The following ZBED4 variants were observed in gnomAD, a reference collection of about 807,000 sequenced individuals.
ZBED4 encodes zinc finger BED domain-containing protein 4.
Under a neutral mutation model 15.5 loss-of-function variants are expected in ZBED4, and 4 were observed. The observed-to-expected ratio is 0.26, with a 90% CI of 0.13 to 0.59. The LOEUF is 0.59. Among genes scored for constraint, ZBED4 ranks in the 20% least tolerant of loss-of-function variants. ZBED4 has a pLI of 0.90. For synonymous variants in ZBED4, 692 were observed against 608.5 expected, an observed-to-expected ratio of 1.14 and a Z score of -2.02; for missense variants, 1,323 against 1,461.8, an observed-to-expected ratio of 0.91 and a Z score of 1.55.
Position 49,885,739 on chromosome 22 carries a change from T to C in ZBED4, c.2077T>C (p.Ser693Pro). The change falls in exon 2 of 2, where the codon TCC (serine) becomes CCC (proline). Residue 693 changes from serine (S) to proline (P), a missense_variant. By Grantham distance (74) the Ser-to-Pro change is moderately conservative. Around this residue, in one of 6 missense-constraint regions of ZBED4, gnomAD observed 89 missense variants for 129.8 expected, o/e 0.69. Transcript: ENST00000216268. ...GCTTGAATACTTGAAACCTCAGTAC[T>C]CCCTCCCCGCCCCTTCCTACTTCTC... is the stretch of plus-strand genomic sequence containing the variant. Reference protein sequence around the residue: ...RLLEYLKPQYSLPAPSYFSRT... With the variant: ...RLLEYLKPQYPLPAPSYFSRT... 6.2e-7 allele frequency: 1 copy of C among 1,603,778 alleles called. No homozygotes were observed. The highest frequency in any genetic ancestry group is 8.5e-7 in the Non-Finnish European group (1 of 1,172,656).
At chr22:49,856,300 C>G (rs1285756515) in intron 1 of ZBED4, among the ~76,000 whole-genome samples, 1 of 152,220 alleles carries the variant, frequency 6.6e-6, no homozygotes, top group Non-Finnish European at 1.5e-5. Context: ...CCGTAGGGAA[C>G]ATGGTGGTGG....
At chr22:49,874,671 C>CATTTTTTTTT in intron 1 of ZBED4, among the ~76,000 whole-genome samples, 1 of 17,840 alleles carries the variant, frequency 5.6e-5, no homozygotes, top group Non-Finnish European at 1.5e-4. Context: ...CCATGCCCAG[C>CATTTTTTTTT]CTTTTTTTTT....
intron 1 of ZBED4, among the ~76,000 whole-genome samples, chr22:49,874,354 A>G (rs944455054): frequency 2.7e-5 from 4 of 150,822 alleles, no homozygotes; most frequent in Non-Finnish European, 5.9e-5. Flanking sequence ...ACGTGCCCAT[A>G]TGGTTTTCCT....
In ZBED4 at chr22:49,884,147, G is replaced by A; in HGVS notation, c.485G>A (p.Arg162Lys). Residue 162 changes from arginine to lysine, a missense_variant, in exon 2 of 2, where the codon AGG becomes AAG. Coordinates refer to ENST00000216268, the MANE Select transcript of ZBED4 (RefSeq NM_014838.3). ...LSTSCLMRHV[R>K]RAHPTVLIQE... ...ACCAGTTGTCTCATGAGGCACGTGA[G>A]GCGCGCACACCCGACCGTGCTCATT... The A allele has an allele frequency of 1.2e-6, 2 of 1,613,786 alleles. No homozygotes were observed. Among genetic ancestry groups the A allele is most frequent in the Non-Finnish European group, 1.7e-6 (2 of 1,179,930 alleles).
In ZBED4 at chr22:49,872,884, A is replaced by G. The variant is rs562766217; in HGVS notation, c.-329-10450A>G. Among the ~76,000 whole-genome samples, 116 of 152,138 alleles carry G rather than the reference A, an allele frequency of 7.6e-4. 1 individual carries two copies. The highest frequency in any genetic ancestry group is 2.7e-3 in the African/African-American group (112 of 41,482). On this transcript the variant is annotated intron_variant, in intron 1 of 1. Transcript: ENST00000216268. ...GCTAATTTTTTTGTATTTTTAGTAG[A>G]GACAGGTTTCACCATGTTAGCCAGG...
chr22:49,873,537 G>C (rs1057274880), intron 1 of ZBED4, among the ~76,000 whole-genome samples: 3 of 152,276 alleles, frequency 2.0e-5, no homozygotes, highest in Middle Eastern at 3.4e-3. Context: ...GTGAAATATT[G>C]CCAGAATTAC....
chr22:49,885,712 C>T lies in ZBED4; in HGVS notation c.2050C>T (p.Leu684=). ...TGTAGACAACGTTGGCTTTAACAGG[C>T]TGCTTGAATACTTGAAACCTCAGTA... The part of the protein sequence containing the change: ...SFVDNVGFNR[L]LEYLKPQYSL... Residue 684 remains leucine (L), a synonymous_variant, in exon 2 of 2, where the codon CTG becomes TTG. Transcript: ENST00000216268. 1.2e-6 allele frequency: 2 copies of T among 1,607,810 alleles called. No individual in the cohort carries two copies. The highest frequency in any genetic ancestry group is 8.5e-7 in the Non-Finnish European group (1 of 1,175,084).
chr22:49,856,511 C>G (rs1177777968), intron 1 of ZBED4, among the ~76,000 whole-genome samples: 1 of 152,242 alleles, frequency 6.6e-6, no homozygotes, highest in Non-Finnish European at 1.5e-5. Flanking sequence ...GAGGCAGCCT[C>G]ACGGCATCCC....
intron 1 of ZBED4, among the ~76,000 whole-genome samples, chr22:49,867,529 A>G (rs2060327850): frequency 6.6e-6 from 1 of 152,208 alleles, no homozygotes; most frequent in Non-Finnish European, 1.5e-5. Flanking sequence ...CCCCAGAAAG[A>G]AGTGTCAGCT....
intron 1 of ZBED4, among the ~76,000 whole-genome samples, chr22:49,866,383 C>A (rs1405642413): frequency 6.6e-6 from 1 of 152,046 alleles, no homozygotes; most frequent in African/African-American, 2.4e-5. Flanking sequence ...TTAATCCCCT[C>A]ATTTCTTTTT....
intron 1 of ZBED4, among the ~76,000 whole-genome samples, chr22:49,856,766 CGCGCTG>C (rs2060276573): frequency 9.5e-6 from 1 of 105,402 alleles, no homozygotes; most frequent in Non-Finnish European, 2.0e-5. Context: ...AGGTGAAGGC[CGCGCTG>C]GAATCCCGGC....
At chr22:49,882,930 T>C (rs2060416893) in intron 1 of ZBED4, among the ~76,000 whole-genome samples, 1 of 152,252 alleles carries the variant, frequency 6.6e-6, no homozygotes, top group Non-Finnish European at 1.5e-5. Flanking sequence ...TCGTATTTCA[T>C]GTATCAGGTC....
At chr22:49,864,144 C>G (rs925960809) in intron 1 of ZBED4, among the ~76,000 whole-genome samples, 1 of 152,200 alleles carries the variant, frequency 6.6e-6, no homozygotes, top group Non-Finnish European at 1.5e-5. Context: ...TTCTAGGCCT[C>G]TGCTGGAGTG....
At chr22:49,876,830 A>G (rs2060378631) in intron 1 of ZBED4, among the ~76,000 whole-genome samples, 1 of 152,192 alleles carries the variant, frequency 6.6e-6, no homozygotes, top group Non-Finnish European at 1.5e-5. Context: ...TCCATTTACA[A>G]AATATAGGAA....
At chr22:49,864,944 C>A (rs997432879) in intron 1 of ZBED4, among the ~76,000 whole-genome samples, 1 of 85,940 alleles carries the variant, frequency 1.2e-5, no homozygotes, top group Non-Finnish European at 2.0e-5. Context: ...CAAGCCCCCC[C>A]CCCCCCCCGT....
chr22:49,867,105 T>C (rs529046703), intron 1 of ZBED4, among the ~76,000 whole-genome samples: 1 of 152,366 alleles, frequency 6.6e-6, no homozygotes, highest in South Asian at 2.1e-4. Context: ...GTTGTATTTT[T>C]ATTGTCGTTC....
At position 49,884,726 on chromosome 22, in the gene ZBED4, C is replaced by G; in HGVS notation, c.1064C>G (p.Pro355Arg). 1 of 1,594,254 alleles carries G rather than the reference C, an allele frequency of 6.3e-7. No individual in the cohort carries two copies. The highest frequency in any genetic ancestry group is 8.6e-7 in the Non-Finnish European group (1 of 1,168,440). The change falls in exon 2 of 2, where the codon CCT (proline) becomes CGT (arginine). Residue 355 changes from proline to arginine, a missense_variant. Physicochemically the swap from Pro to Arg is moderately radical, Grantham distance 103. This residue lies in a region of ZBED4 where 429 missense variants were observed against 397.9 expected (regional missense o/e 1.08). Transcript: ENST00000216268. ...GTGIPPLYST[P>R]PTLLPSLLPP... The stretch of plus-strand genomic sequence containing the variant: ...GGCATCCCGCCACTGTACTCCACCC[C>G]TCCCACTCTGCTGCCTTCCTTGCTG...
chr22:49,877,613 G>C (rs540014148), intron 1 of ZBED4, among the ~76,000 whole-genome samples: 1 of 151,960 alleles, frequency 6.6e-6, no homozygotes, highest in African/African-American at 2.4e-5. Flanking sequence ...CTTTATTTGG[G>C]TATAATTGAT....
At chr22:49,862,671 C>T (rs1359322289) in intron 1 of ZBED4, among the ~76,000 whole-genome samples, 1 of 129,948 alleles carries the variant, frequency 7.7e-6, no homozygotes, top group Non-Finnish European at 1.6e-5. Flanking sequence ...CTGAGTACCT[C>T]TAAATATTAG....
Sources: allele counts gnomAD v4.1 joint callset (sites outside exome capture counted in the v4.1 genomes callset), GRCh38; gene constraint gnomAD v4.1.1; regional missense constraint gnomAD v4.1.1; transcripts MANE v1.5; gene names NCBI Gene and HGNC (gene_info 2026-07-23, HGNC 2026-07-21).